Variants in CEP120 observed in about 807,000 individuals in gnomAD.
CEP120 encodes centrosomal protein 120.
Under a neutral mutation model 126.5 loss-of-function variants are expected in CEP120, and 113 were observed. That is an observed-to-expected ratio of 0.89 (90% confidence interval 0.77 to 1.04). CEP120 has a LOEUF of 1.04. Among genes scored for constraint, CEP120 ranks in the 50% least tolerant of loss-of-function variants. CEP120 has a pLI of 0.00. For synonymous variants in CEP120, 400 were observed against 394.3 expected, an observed-to-expected ratio of 1.01 and a Z score of -0.17; for missense variants, 1,230 against 1,155.7, an observed-to-expected ratio of 1.06 and a Z score of -0.93.
At chr5:123,351,106 A>C (rs1298525441) in intron 18 of CEP120, among the ~76,000 whole-genome samples, 2 of 152,282 alleles carry the variant, frequency 1.3e-5, no homozygotes, top group East Asian at 3.9e-4. Flanking sequence ...GACAAGGTAC[A>C]TTTTGATATA....
In CEP120 at chr5:123,346,760, A is replaced by G; in HGVS notation, c.2727-7T>C. On this transcript the variant is annotated splice_region_variant and splice_polypyrimidine_tract_variant and intron_variant, in intron 19 of 19. Transcript: ENST00000306467. ...TTGCTCTTGTTGCCTTAACCTGAGA[A>G]GTCAAGAACAAATGCCACTGTAGCA... 1 of 1,574,332 alleles carries G rather than the reference A, an allele frequency of 6.4e-7. No individual in the cohort carries two copies. The highest frequency in any genetic ancestry group is 8.6e-7 in the Non-Finnish European group (1 of 1,163,746).
intron 18 of CEP120, among the ~76,000 whole-genome samples, chr5:123,358,699 C>A (rs1402300448): frequency 1.3e-5 from 2 of 151,748 alleles, no homozygotes; most frequent in Non-Finnish European, 2.9e-5. Context: ...AATAATCACA[C>A]ACACACACAA....
rs933119462 is a variant in CEP120, at chr5:123,345,554, G to A, written c.*965C>T. On this transcript the variant is annotated 3_prime_UTR_variant, in exon 20 of 20. Coordinates refer to ENST00000306467, the MANE Select transcript of CEP120 (RefSeq NM_001375405.1). ...GGGAAACGTTGCTTTGAGGACAAAT[G>A]TTGGCTCTGAAGAATATGATATAAA... 9.9e-5 allele frequency: 15 copies of A among 152,174 alleles called. No individual in the cohort carries two copies. Among genetic ancestry groups the A allele is most frequent in the African/African-American group, 3.6e-4 (15 of 41,462 alleles). 9.4% of individuals were successfully genotyped at this position (152,174 alleles called of 1,614,324 possible).
chr5:123,410,889 G>A lies in CEP120; in HGVS notation c.463+1510C>T, dbSNP rs141532690. ...CTGGGAAAGACAATGTCAAGAGAAT[G>A]AGAAGATAAGCCACATACTGGGAAA... On this transcript the variant is annotated intron_variant, in intron 4 of 19. Transcript: ENST00000306467. Among the ~76,000 whole-genome samples the A allele has an allele frequency of 1.4e-3, 215 of 152,294 alleles. 1 individual carries two copies. Among genetic ancestry groups the A allele is most frequent in the African/African-American group, 4.5e-3 (189 of 41,558 alleles).
intron 18 of CEP120, among the ~76,000 whole-genome samples, chr5:123,352,340 T>G (rs1287806331): frequency 1.3e-5 from 2 of 152,072 alleles, no homozygotes; most frequent in Non-Finnish European, 2.9e-5. Context: ...TCTTTCCTAT[T>G]TAAGACATTT....
intron 4 of CEP120, chr5:123,401,675 A>G (rs1397776981): frequency 7.1e-7 from 1 of 1,415,180 alleles, no homozygotes; most frequent in Non-Finnish European, 1.0e-6. Flanking sequence ...CTGCCTGAGG[A>G]AGTTGATCTC....
intron 4 of CEP120, 83 bp downstream of exon 4, chr5:123,412,316 G>A: frequency 7.6e-7 from 1 of 1,321,490 alleles, no homozygotes; most frequent in Non-Finnish European, 1.0e-6. Context: ...CTGCATATAT[G>A]TCCCTATAAC....
intron 17 of CEP120, among the ~76,000 whole-genome samples, chr5:123,370,683 G>A (rs1255478917): frequency 1.0e-5 from 1 of 96,688 alleles, no homozygotes; most frequent in East Asian, 2.7e-4. Context: ...GTGTGTGTGT[G>A]TGTATATATA....
chr5:123,378,906 G>C (rs901446417), intron 14 of CEP120, among the ~76,000 whole-genome samples: 1 of 151,842 alleles, frequency 6.6e-6, no homozygotes, highest in African/African-American at 2.4e-5. Flanking sequence ...ACAGAGAGAA[G>C]AAAGGATGGT....
intron 18 of CEP120, among the ~76,000 whole-genome samples, chr5:123,351,017 G>A (rs967738542): frequency 1.3e-5 from 2 of 152,190 alleles, no homozygotes; most frequent in Non-Finnish European, 2.9e-5. Context: ...CCCAAAGTGG[G>A]AGACCTGAGT....
chr5:123,357,520 T>A (rs1769730533), intron 18 of CEP120, among the ~76,000 whole-genome samples: 1 of 152,118 alleles, frequency 6.6e-6, no homozygotes, highest in African/African-American at 2.4e-5. Context: ...GAATTACACT[T>A]GTTGATTAAT....
At chr5:123,391,477 G>A in intron 6 of CEP120, 140 bp from the exon 7 acceptor site, 1 of 620,704 alleles carries the variant, frequency 1.6e-6, no homozygotes, top group Non-Finnish European at 2.8e-6. Flanking sequence ...CTCAAGTGAC[G>A]AAGTAATGAA....
intron 18 of CEP120, among the ~76,000 whole-genome samples, chr5:123,350,552 C>A (rs1029848611): frequency 6.6e-6 from 1 of 152,172 alleles, no homozygotes; most frequent in Non-Finnish European, 1.5e-5. Flanking sequence ...GCTATCAATA[C>A]AATGAACTGT....
rs72789890 is a variant in CEP120 at position 123,399,785 on chromosome 5, G to A, written c.464-501C>T. On this transcript the variant is annotated intron_variant, in intron 4 of 19. Transcript: ENST00000306467. Reference sequence around the variant, plus strand: ...AGGGAGGTGGGGCTGGATAAGCAGAGGCCATATCATACAGTCCTTCTGTAT... The same window carrying A: ...AGGGAGGTGGGGCTGGATAAGCAGAAGCCATATCATACAGTCCTTCTGTAT... Among the ~76,000 whole-genome samples, 630 of 152,202 alleles carry A rather than the reference G, an allele frequency of 4.1e-3. 2 individuals are homozygous for A. Among genetic ancestry groups the A allele is most frequent in the Non-Finnish European group, 5.6e-3 (379 of 68,022 alleles).
At chr5:123,418,264 C>T in intron 2 of CEP120, 95 bp downstream of exon 2, 1 of 1,158,890 alleles carries the variant, frequency 8.6e-7, no homozygotes, top group Non-Finnish European at 1.2e-6. Context: ...GAAAATACTT[C>T]TGGTCCCAAG....
intron 10 of CEP120, among the ~76,000 whole-genome samples, chr5:123,385,966 A>G (rs1046121009): frequency 6.6e-6 from 1 of 152,104 alleles, no homozygotes; most frequent in African/African-American, 2.4e-5. Flanking sequence ...TGTAATTCCC[A>G]CAAATGGTTA....
intron 16 of CEP120, among the ~76,000 whole-genome samples, chr5:123,375,818 C>T (rs1771173502): frequency 6.6e-6 from 1 of 152,070 alleles, no homozygotes; most frequent in African/African-American, 2.4e-5. Flanking sequence ...CAAGACTACC[C>T]TACTTGGTAA....
chr5:123,392,234 G>A (rs11241693), intron 6 of CEP120, among the ~76,000 whole-genome samples: 66,944 of 152,014 alleles, frequency 0.44, 14,687 homozygotes, highest in East Asian at 0.48. Flanking sequence ...CAATACTTTT[G>A]GTAAGGACTG....
At chr5:123,351,656 A>G (rs1284351625) in intron 18 of CEP120, among the ~76,000 whole-genome samples, 1 of 152,132 alleles carries the variant, frequency 6.6e-6, no homozygotes, top group African/African-American at 2.4e-5. Flanking sequence ...ACATAATGAG[A>G]TATCTTGGGG....
Sources: gnomAD v4.1 joint callset for allele counts (sites outside exome capture counted in the v4.1 genomes callset) on GRCh38, gnomAD v4.1.1 for gene constraint, MANE v1.5 for transcripts, NCBI Gene and HGNC (gene_info 2026-07-23, HGNC 2026-07-21) for gene names.